The following ZNF567 variants were observed in gnomAD, a reference collection of about 807,000 sequenced individuals.
The protein encoded by ZNF567 is zinc finger protein 567.
A neutral mutation model predicts 53.9 loss-of-function variants in ZNF567; 36 were observed. The ratio of observed to expected loss-of-function variants is 0.67; its 90% CI spans 0.51 to 0.88. ZNF567 has a LOEUF of 0.88. Ranked by LOEUF, ZNF567 falls within the 40% of genes least tolerant of loss-of-function variation. The pLI is 0.00. For missense variants in ZNF567, 619 were observed against 764.7 expected, an observed-to-expected ratio of 0.81 and a Z score of 2.25; for synonymous variants, 224 against 260.4, an observed-to-expected ratio of 0.86 and a Z score of 1.35.
At chr19:36,697,159 T>A (rs11671382) in intron 3 of ZNF567, among the ~76,000 whole-genome samples, 47,003 of 152,074 alleles carry the variant, frequency 0.31, 7,663 homozygotes, top group East Asian at 0.58. Flanking sequence ...TTTATTTAGA[T>A]CTTCCTTAAA....
the ZNF567 span, among the ~76,000 whole-genome samples, chr19:36,671,080 C>T: frequency 3.3e-5 from 5 of 152,122 alleles, no homozygotes; most frequent in East Asian, 1.9e-4. Context: ...CCAGCCTGGG[C>T]GACAGAGCAA....
intron 3 of ZNF567, among the ~76,000 whole-genome samples, chr19:36,708,891 T>C (rs1422752851): frequency 6.6e-6 from 1 of 152,242 alleles, no homozygotes. Context: ...TTTTTAGTTA[T>C]GCGTTTGCAT....
At chr19:36,691,616 A>T (rs992423205) in intron 2 of ZNF567, among the ~76,000 whole-genome samples, 1 of 152,190 alleles carries the variant, frequency 6.6e-6, no homozygotes, top group African/African-American at 2.4e-5. Context: ...CCCAAATTTA[A>T]AAAGAAAACA....
chr19:36,676,877 C>T, the ZNF567 span, among the ~76,000 whole-genome samples: 22 of 151,952 alleles, frequency 1.4e-4, no homozygotes, highest in African/African-American at 3.9e-4. Context: ...AAGATAGGGC[C>T]GGGCGCGGTG....
chr19:36,719,861 ACT>A lies in ZNF567; in HGVS notation c.1144_1145del (p.Leu382ThrfsTer8), dbSNP rs2040233646. On this transcript the variant is annotated frameshift_variant, in exon 6 of 6. Transcript: ENST00000682579. LOFTEE classifies it high-confidence loss of function. ...GGAAGTCCTTCCGCCAGAAGACAAC[ACT>A]CTCTCTACATCAGAGAATCCATACA... ...CGKSFRQKTT[L>X]SLHQRIHTGE... The A allele has an allele frequency of 3.7e-6, 6 of 1,609,922 alleles. No homozygotes were observed. Among genetic ancestry groups the A allele is most frequent in the Non-Finnish European group, 5.1e-6 (6 of 1,178,716 alleles).
chr19:36,679,128 T>C, the ZNF567 span, among the ~76,000 whole-genome samples: 1 of 151,828 alleles, frequency 6.6e-6, no homozygotes, highest in African/African-American at 2.4e-5. Flanking sequence ...CTAATAAAAA[T>C]ACAAAAAATT....
the ZNF567 span, among the ~76,000 whole-genome samples, chr19:36,679,072 G>A: frequency 6.6e-6 from 1 of 152,144 alleles, no homozygotes; most frequent in African/African-American, 2.4e-5. Context: ...AGATCATGAG[G>A]TCAGGAGATC....
At position 36,699,363 on chromosome 19, in the gene ZNF567, C is replaced by G. The variant is rs185750118; in HGVS notation, c.9+4487C>G. On this transcript the variant is annotated intron_variant, in intron 3 of 5. Coordinates refer to ENST00000682579, the MANE Select transcript of ZNF567 (RefSeq NM_001322917.1). Reference sequence around the variant, plus strand: ...TTTGAAGTCAGGTAGCGTGATGCCTCCAGCTTTGTTCTTTCGGCTTAGGAT... The same window carrying G: ...TTTGAAGTCAGGTAGCGTGATGCCTGCAGCTTTGTTCTTTCGGCTTAGGAT... 3.7e-4 allele frequency among the ~76,000 whole-genome samples: 56 copies of G among 152,272 alleles called. 1 individual carries two copies. Among genetic ancestry groups the G allele is most frequent in the Admixed American group, 9.2e-4 (14 of 15,288 alleles).
upstream of ZNF567, chr19:36,685,813 C>T (rs2038255197): frequency 6.6e-6 from 1 of 152,174 alleles, no homozygotes; most frequent in African/African-American, 2.4e-5. Context: ...ATTTGGGGGG[C>T]TTGGCAATTT....
chr19:36,704,591 A>G (rs2039395842), intron 3 of ZNF567, among the ~76,000 whole-genome samples: 1 of 151,976 alleles, frequency 6.6e-6, no homozygotes, highest in Admixed American at 6.6e-5. Context: ...ACTTTTGTAT[A>G]TATTGTTTTA....
At chr19:36,694,731 A>T in intron 2 of ZNF567, 71 bp from the exon 3 acceptor site, 1 of 734,070 alleles carries the variant, frequency 1.4e-6, no homozygotes, top group Non-Finnish European at 2.2e-6. Flanking sequence ...GGCAATTTTA[A>T]TAGAATTATA....
chr19:36,673,070 A>T, the ZNF567 span, among the ~76,000 whole-genome samples: 3 of 140,670 alleles, frequency 2.1e-5, no homozygotes, highest in African/African-American at 9.8e-5. Context: ...ACTTTATATT[A>T]GAGTATTTAA....
At chr19:36,724,448 T>C (rs1328277224), downstream of ZNF567, among the ~76,000 whole-genome samples, 1 of 151,870 alleles carries the variant, frequency 6.6e-6, no homozygotes, top group Non-Finnish European at 1.5e-5. Flanking sequence ...TTTCAGAGGC[T>C]GAGGCAGTCT....
chr19:36,682,330 C>G, the ZNF567 span, among the ~76,000 whole-genome samples: 1 of 148,388 alleles, frequency 6.7e-6, no homozygotes. Context: ...CTACTATGTA[C>G]AGCAACATGG....
At chr19:36,714,126 C>G (rs977952245) in intron 5 of ZNF567, among the ~76,000 whole-genome samples, 2 of 151,978 alleles carry the variant, frequency 1.3e-5, no homozygotes, top group African/African-American at 4.8e-5. Flanking sequence ...TAAGTTTTGT[C>G]AGGAAAGGTT....
upstream of ZNF567, among the ~76,000 whole-genome samples, chr19:36,683,238 T>G (rs147365931): frequency 0.01 from 1,520 of 151,954 alleles, 33 homozygotes; most frequent in African/African-American, 0.035. Context: ...ACCCAGCTAA[T>G]TTTTTGTATT....
intron 2 of ZNF567, among the ~76,000 whole-genome samples, chr19:36,693,993 G>T (rs979087407): frequency 6.6e-5 from 10 of 152,166 alleles, no homozygotes; most frequent in African/African-American, 2.4e-4. Flanking sequence ...ACCAGCCTGA[G>T]CAACATTGCA....
chr19:36,667,154 C>T, the ZNF567 span, among the ~76,000 whole-genome samples: 5 of 151,996 alleles, frequency 3.3e-5, no homozygotes, highest in African/African-American at 1.2e-4. Context: ...TTTTGTTGTG[C>T]GCGTGTCCGA....
upstream of ZNF567, chr19:36,687,542 G>T (rs1313022953): frequency 1.3e-5 from 2 of 152,296 alleles, no homozygotes; most frequent in African/African-American, 4.8e-5. Context: ...GGCGCGCGTA[G>T]CCGGTGGACA....
Sources: allele counts gnomAD v4.1 joint callset (sites outside exome capture counted in the v4.1 genomes callset), GRCh38; gene constraint gnomAD v4.1.1; transcripts MANE v1.5; gene names NCBI Gene and HGNC (gene_info 2026-07-23, HGNC 2026-07-21).